Variants in ABL2 observed in about 807,000 individuals in gnomAD.
ABL2 encodes tyrosine-protein kinase ABL2.
A neutral mutation model predicts 107.7 loss-of-function variants in ABL2; 49 were observed. The observed-to-expected ratio is 0.45, with a 90% CI of 0.36 to 0.58. ABL2 has a LOEUF of 0.58. ABL2 is among the 20% of genes least tolerant of loss of function. The pLI is 0.00. For synonymous variants in ABL2, 549 were observed against 548.6 expected, an observed-to-expected ratio of 1.00 and a Z score of -0.01; for missense variants, 1,245 against 1,457.0, an observed-to-expected ratio of 0.85 and a Z score of 2.37.
intron 1 of ABL2, among the ~76,000 whole-genome samples, chr1:179,172,117 TAAATAAC>T (rs1380006038): frequency 6.6e-6 from 1 of 152,176 alleles, no homozygotes; most frequent in African/African-American, 2.4e-5. Flanking sequence ...TTAAACATCT[TAAATAAC>T]AGATTATCAG....
At chr1:179,132,129 C>T (rs773196570) in intron 2 of ABL2, among the ~76,000 whole-genome samples, 1 of 152,108 alleles carries the variant, frequency 6.6e-6, no homozygotes, top group Non-Finnish European at 1.5e-5. Context: ...GTGGCCGCAC[C>T]CGGCCTGAAT....
intron 1 of ABL2, among the ~76,000 whole-genome samples, chr1:179,200,156 C>T (rs1021638528): frequency 2.7e-5 from 4 of 150,306 alleles, no homozygotes; most frequent in Non-Finnish European, 4.4e-5. Flanking sequence ...AAGAGATTCT[C>T]GTGCTTCAGC....
At position 179,126,294 on chromosome 1, in the gene ABL2, CTATTATTTCACTTCAATCACGTTGAA is replaced by C; in HGVS notation, c.687+57_687+82del. On this transcript the variant is annotated intron_variant, in intron 4 of 11. Transcript: ENST00000502732. This position sits in a 1 kb window ranked among gnomAD's most constrained non-coding sequence, Gnocchi z 4.4. Reference sequence around the variant, plus strand: ...TTTTATTTCACGTCAGACATAAAATCTATTATTTCACTTCAATCACGTTGAATATTATTTCACAGAGTAGCCAGTCC... The same window carrying C: ...TTTTATTTCACGTCAGACATAAAATCTATTATTTCACAGAGTAGCCAGTCC... The C allele has an allele frequency of 5.6e-6, 8 of 1,439,348 alleles. No individual in the cohort carries two copies. Among genetic ancestry groups the C allele is most frequent in the Non-Finnish European group, 7.6e-6 (8 of 1,057,538 alleles). 89.2% of individuals were successfully genotyped at this position (1,439,348 alleles called of 1,614,324 possible). A position where few individuals can be genotyped will look rare whatever the true frequency, so the allele number is the denominator to read the frequency against.
chr1:179,207,468 T>A (rs1039405941), intron 1 of ABL2, among the ~76,000 whole-genome samples: 4 of 152,190 alleles, frequency 2.6e-5, no homozygotes, highest in Non-Finnish European at 5.9e-5. Context: ...TTTAATTTTT[T>A]AAAATTTATT....
At chr1:179,117,267 A>C (rs775648698) in intron 8 of ABL2, 65 bp downstream of exon 8, 2 of 1,490,510 alleles carry the variant, frequency 1.3e-6, no homozygotes, top group Admixed American at 1.7e-5. Context: ...AGAAGCTCTA[A>C]AGAATCAAGG....
At chr1:179,168,535 T>C (rs1659525333) in intron 1 of ABL2, among the ~76,000 whole-genome samples, 1 of 152,224 alleles carries the variant, frequency 6.6e-6, no homozygotes, top group Admixed American at 6.5e-5. Flanking sequence ...ATTAGCACTT[T>C]TTAAAACTTG....
intron 1 of ABL2, among the ~76,000 whole-genome samples, chr1:179,161,427 T>C (rs186106061): frequency 7.9e-5 from 12 of 151,712 alleles, no homozygotes; most frequent in African/African-American, 2.9e-4. Context: ...TGATAAATAA[T>C]GAGTACTTGG....
chr1:179,199,636 C>A (rs1661541970), intron 1 of ABL2, among the ~76,000 whole-genome samples: 1 of 152,080 alleles, frequency 6.6e-6, no homozygotes, highest in South Asian at 2.1e-4. Context: ...CAGGCATTAT[C>A]CTCATTTTAT....
intron 1 of ABL2, among the ~76,000 whole-genome samples, chr1:179,170,822 T>C (rs1205488390): frequency 1.3e-5 from 2 of 152,162 alleles, no homozygotes; most frequent in Non-Finnish European, 2.9e-5. Context: ...CTCAAACTCC[T>C]GACCTCAGGT....
At chr1:179,151,183 G>A (rs1189099679) in intron 1 of ABL2, among the ~76,000 whole-genome samples, 2 of 152,026 alleles carry the variant, frequency 1.3e-5, no homozygotes, top group African/African-American at 2.4e-5. Context: ...TATCTCCAAG[G>A]TATGACTATA....
chr1:179,118,459 G>T, intron 7 of ABL2, 128 bp downstream of exon 7: 2 of 848,848 alleles, frequency 2.4e-6, no homozygotes, highest in Non-Finnish European at 3.7e-6. Flanking sequence ...ATTATAATGG[G>T]CCCTGTGAAA....
chr1:179,201,705 A>T, intron 1 of ABL2: 1 of 657,262 alleles, frequency 1.5e-6, no homozygotes, highest in Non-Finnish European at 2.7e-6. Context: ...GACGTAGGTC[A>T]GAGGCATTGA....
At chr1:179,216,072 A>G (rs533147963) in intron 1 of ABL2, among the ~76,000 whole-genome samples, 1 of 152,332 alleles carries the variant, frequency 6.6e-6, no homozygotes, top group South Asian at 2.1e-4. Context: ...CAAACCCGAG[A>G]ATACAAATGG....
chr1:179,125,256 G>A (rs1193776591), intron 4 of ABL2, among the ~76,000 whole-genome samples: 2 of 152,178 alleles, frequency 1.3e-5, no homozygotes, highest in Non-Finnish European at 2.9e-5. Context: ...GACGGCTGGA[G>A]GGCCATAGTT....
In ABL2 at chr1:179,229,346, G is replaced by C; in HGVS notation, c.52C>G (p.Gln18Glu). 1 of 1,582,894 alleles carries C rather than the reference G, an allele frequency of 6.3e-7. No homozygotes were observed. The change falls in exon 1 of 12, where the codon CAG becomes GAG. Residue 18 changes from glutamine to glutamate, a missense_variant. Gln to Glu is a conservative substitution (Grantham distance 29, BLOSUM62 2). Coordinates refer to ENST00000502732, the MANE Select transcript of ABL2 (RefSeq NM_007314.4). ...VGEAPGLQQP[Q>E]PRGIRGSSAA... ...CTGCTGCCCCGGATCCCGCGGGGCT[G>C]AGGCTGCTGGAGCCCCGGAGCTTCC... is the stretch of plus-strand genomic sequence containing the variant.
intron 6 of ABL2, 143 bp from the exon 7 acceptor site, chr1:179,118,907 A>T (rs1024877353): frequency 1.2e-6 from 1 of 856,158 alleles, no homozygotes; most frequent in Non-Finnish European, 1.8e-6. Context: ...CTCTGAAATT[A>T]ATAAGCAAAA....
Position 179,121,726 on chromosome 1 carries a change from T to TG in ABL2, c.828dup (p.Ile277HisfsTer67). The TG allele has an allele frequency of 6.2e-7, 1 of 1,614,048 alleles. No individual in the cohort carries two copies. Among genetic ancestry groups the TG allele is most frequent in the Non-Finnish European group, 8.5e-7 (1 of 1,180,020 alleles). ...CGCTCCATTTCCCATTTGTCGTGGATGGGGGACACACCATAGACTGTAGGC... is the reference window on the plus strand; with the variant it reads ...CGCTCCATTTCCCATTTGTCGTGGATGGGGGGACACACCATAGACTGTAGGC... On this transcript the variant is annotated frameshift_variant, in exon 5 of 12. Transcript: ENST00000502732. LOFTEE classifies it high-confidence loss of function.
At chr1:179,180,111 C>A (rs1660285697) in intron 1 of ABL2, among the ~76,000 whole-genome samples, 1 of 151,060 alleles carries the variant, frequency 6.6e-6, no homozygotes, top group Non-Finnish European at 1.5e-5. Context: ...CAGAGTGAGA[C>A]CCTGTCTTAA....
chr1:179,122,011 C>T (rs1327706654), intron 4 of ABL2, 144 bp from the exon 5 acceptor site: 53 of 808,550 alleles, frequency 6.6e-5, no homozygotes, highest in Non-Finnish European at 8.8e-5. Flanking sequence ...CTGCAAGCTC[C>T]GCCTCCCGGG....
Sources: gnomAD v4.1 joint callset for allele counts (sites outside exome capture counted in the v4.1 genomes callset) on GRCh38, gnomAD v4.1.1 for gene constraint, Gnocchi (gnomAD v3.1) non-coding constraint, MANE v1.5 for transcripts, NCBI Gene and HGNC (gene_info 2026-07-23, HGNC 2026-07-21) for gene names.